Variants in PPARG observed in about 807,000 individuals in gnomAD.
PPARG encodes peroxisome proliferator-activated receptor gamma.
A neutral mutation model predicts 39.2 loss-of-function variants in PPARG; 17 were observed. That is an observed-to-expected ratio of 0.43 (90% CI 0.30 to 0.65). The LOEUF is 0.65. PPARG is among the 30% of genes least tolerant of loss of function. The pLI is 0.13. For missense variants in PPARG, 406 were observed against 585.9 expected (o/e 0.69, Z 3.17); for synonymous variants, 223 against 215.7 (o/e 1.03, Z -0.30).
intron 6 of PPARG, among the ~76,000 whole-genome samples, chr3:12,407,212 A>G (rs1187873862): frequency 6.6e-6 from 1 of 151,850 alleles, no homozygotes; most frequent in East Asian, 1.9e-4. Flanking sequence ...CCAGGCTGGA[A>G]TGCAGTGGCG....
At chr3:12,354,233 G>A (rs1273355848) in intron 2 of PPARG, among the ~76,000 whole-genome samples, 1 of 152,106 alleles carries the variant, frequency 6.6e-6, no homozygotes, top group African/African-American at 2.4e-5. Flanking sequence ...GGAATATAAG[G>A]ACCAGTCCTT....
chr3:12,368,850 C>T (rs17817469), intron 2 of PPARG, among the ~76,000 whole-genome samples: 21,001 of 152,078 alleles, frequency 0.14, 1,611 homozygotes, highest in Admixed American at 0.21. Context: ...GTGGCTGAAG[C>T]ATCAAAACCA....
intron 4 of PPARG, among the ~76,000 whole-genome samples, chr3:12,381,953 G>A (rs957900034): frequency 6.6e-5 from 10 of 151,774 alleles, no homozygotes; most frequent in South Asian, 2.1e-4. Flanking sequence ...TTGCTATACC[G>A]TGTAATATTG....
chr3:12,343,012 A>G (rs1392054798), intron 2 of PPARG, among the ~76,000 whole-genome samples: 3 of 152,340 alleles, frequency 2.0e-5, no homozygotes, highest in Non-Finnish European at 4.4e-5. Flanking sequence ...TATCTTTACT[A>G]AAGAGATTTC....
At chr3:12,327,818 C>T (rs938362215) in intron 2 of PPARG, among the ~76,000 whole-genome samples, 2 of 152,216 alleles carry the variant, frequency 1.3e-5, no homozygotes, top group African/African-American at 4.8e-5. Flanking sequence ...TTCAGCATCA[C>T]TCATCAAGTT....
intron 2 of PPARG, among the ~76,000 whole-genome samples, chr3:12,325,132 C>T (rs539155287): frequency 6.6e-6 from 1 of 152,120 alleles, no homozygotes; most frequent in South Asian, 2.1e-4. Flanking sequence ...ACTAAAAATA[C>T]AAAACATTGT....
At chr3:12,356,955 C>G (rs1050471099) in intron 2 of PPARG, among the ~76,000 whole-genome samples, 1 of 152,174 alleles carries the variant, frequency 6.6e-6, no homozygotes, top group Non-Finnish European at 1.5e-5. Flanking sequence ...GTGAAGCATT[C>G]TCTGAATTCA....
At chr3:12,337,657 C>G (rs576964666) in intron 2 of PPARG, among the ~76,000 whole-genome samples, 1 of 152,136 alleles carries the variant, frequency 6.6e-6, no homozygotes, top group Admixed American at 6.6e-5. Context: ...AGCTGAAAGT[C>G]GAGCCTGGCT....
At chr3:12,299,320 G>C (rs865933790) in intron 1 of PPARG, among the ~76,000 whole-genome samples, 2 of 152,140 alleles carry the variant, frequency 1.3e-5, no homozygotes, top group African/African-American at 4.8e-5. Context: ...GTGACTAAGA[G>C]GGGGTGAATG....
At chr3:12,305,302 TTTAACA>T (rs1256801465) in intron 1 of PPARG, among the ~76,000 whole-genome samples, 1 of 152,228 alleles carries the variant, frequency 6.6e-6, no homozygotes, top group Non-Finnish European at 1.5e-5. Context: ...TTATTCTGAA[TTTAACA>T]TTAACAGAAA....
chr3:12,298,541 T>A (rs976610721), intron 1 of PPARG, among the ~76,000 whole-genome samples: 7 of 152,156 alleles, frequency 4.6e-5, no homozygotes, highest in Non-Finnish European at 5.9e-5. Flanking sequence ...TACATTTTTC[T>A]TGTCACTTTC....
At chr3:12,367,837 T>C (rs901345453) in intron 2 of PPARG, among the ~76,000 whole-genome samples, 1 of 152,004 alleles carries the variant, frequency 6.6e-6, no homozygotes, top group Non-Finnish European at 1.5e-5. Context: ...ATTGTGCCAC[T>C]GCACTCCAGC....
At chr3:12,393,149 T>C (rs1005534867) in intron 5 of PPARG, among the ~76,000 whole-genome samples, 3 of 151,388 alleles carry the variant, frequency 2.0e-5, no homozygotes, top group Middle Eastern at 3.2e-3. Context: ...GATGTCTGGG[T>C]CTGAAACTTT....
chr3:12,423,082 TC>T (rs2051318830), intron 7 of PPARG, among the ~76,000 whole-genome samples: 1 of 152,136 alleles, frequency 6.6e-6, no homozygotes, highest in African/African-American at 2.4e-5. Flanking sequence ...TTTAATTTGT[TC>T]AGCCAGCAGG....
intron 2 of PPARG, among the ~76,000 whole-genome samples, chr3:12,339,305 TG>T (rs1191783585): frequency 3.3e-5 from 5 of 152,276 alleles, no homozygotes; most frequent in East Asian, 3.9e-4. Context: ...TGTCTGGGAT[TG>T]GGGGTAGTAA....
intron 7 of PPARG, among the ~76,000 whole-genome samples, chr3:12,426,430 A>G (rs927718140): frequency 3.3e-5 from 5 of 152,082 alleles, no homozygotes; most frequent in African/African-American, 1.2e-4. Flanking sequence ...CAAATCATCC[A>G]TGGCTCAGAC....
intron 4 of PPARG, among the ~76,000 whole-genome samples, chr3:12,385,796 A>G (rs576418571): frequency 1.3e-5 from 2 of 152,300 alleles, no homozygotes; most frequent in South Asian, 2.1e-4. Context: ...TCCAACTTCC[A>G]GGGGCCAGAC....
chr3:12,336,515 G>C (rs1029172800), intron 2 of PPARG, among the ~76,000 whole-genome samples: 8 of 152,058 alleles, frequency 5.3e-5, no homozygotes, highest in African/African-American at 1.7e-4. Context: ...TGATAACTTT[G>C]TTCTTCTTTG....
intron 4 of PPARG, among the ~76,000 whole-genome samples, chr3:12,381,703 A>G (rs1272702955): frequency 6.6e-6 from 1 of 151,210 alleles, no homozygotes; most frequent in Non-Finnish European, 1.5e-5. Context: ...TCAGCCTCCC[A>G]AAGGATGATA....
Sources: gnomAD v4.1 joint callset for allele counts (sites outside exome capture counted in the v4.1 genomes callset) on GRCh38, gnomAD v4.1.1 for gene constraint, MANE v1.5 for transcripts, NCBI Gene and HGNC (gene_info 2026-07-23, HGNC 2026-07-21) for gene names.